Variants in STK3 observed in about 807,000 individuals in gnomAD.
The protein encoded by STK3 is serine/threonine-protein kinase 3.
Under a neutral mutation model 58.0 loss-of-function variants are expected in STK3, and 41 were observed. The observed-to-expected ratio is 0.71, with a 90% CI of 0.55 to 0.92. The LOEUF (loss-of-function observed/expected upper bound fraction) is 0.92, where lower values mean the gene tolerates loss of function less well. Ranked by LOEUF, STK3 falls within the 40% of genes least tolerant of loss-of-function variation. The probability of loss-of-function intolerance (pLI) is 0.00; values close to 1 mark genes in which losing one functional copy is unlikely to be tolerated. For synonymous variants in STK3, 170 were observed against 191.0 expected (o/e 0.89, Z 0.91); for missense variants, 479 against 602.7 (o/e 0.79, Z 2.15).
chr8:98,420,300 G>A (rs1279305348), intron 3 of STK3, among the ~76,000 whole-genome samples: 3 of 152,118 alleles, frequency 2.0e-5, no homozygotes, highest in East Asian at 1.9e-4. Context: ...CAGATCAACT[G>A]CCTCAGGGCC....
intron 6 of STK3, among the ~76,000 whole-genome samples, chr8:98,613,660 CAG>C: frequency 6.7e-6 from 1 of 150,240 alleles, no homozygotes; most frequent in Admixed American, 6.6e-5. Flanking sequence ...AAAAAGAAAA[CAG>C]AAATTAAAAA....
intron 3 of STK3, among the ~76,000 whole-genome samples, chr8:98,853,144 G>A (rs543284284): frequency 3.9e-5 from 6 of 152,038 alleles, no homozygotes; most frequent in East Asian, 3.9e-4. Flanking sequence ...TCACTCTCAC[G>A]CTTAAAAGAA....
At chr8:98,736,264 G>C (rs1411120830) in intron 4 of STK3, among the ~76,000 whole-genome samples, 1 of 152,138 alleles carries the variant, frequency 6.6e-6, no homozygotes, top group East Asian at 1.9e-4. Flanking sequence ...AACATTTTCA[G>C]CTGGGCCTTC....
chr8:98,781,818 T>A (rs531195806), intron 1 of STK3, among the ~76,000 whole-genome samples: 21 of 152,132 alleles, frequency 1.4e-4, no homozygotes, highest in Middle Eastern at 3.4e-3. Flanking sequence ...TTATTAAACC[T>A]ATGAGTAATC....
intron 3 of STK3, among the ~76,000 whole-genome samples, chr8:98,417,857 C>T (rs1327821840): frequency 3.3e-5 from 5 of 152,202 alleles, no homozygotes; most frequent in Admixed American, 6.5e-5. Flanking sequence ...CCCAGGCATT[C>T]TCCTTCCAGA....
chr8:98,820,791 C>CA (rs1360515439), intron 1 of STK3, among the ~76,000 whole-genome samples: 1 of 152,174 alleles, frequency 6.6e-6, no homozygotes, highest in Non-Finnish European at 1.5e-5. Flanking sequence ...TCCTGGCTAA[C>CA]ACGGTAAAAC....
At chr8:98,672,303 G>T (rs1159884079) in intron 6 of STK3, among the ~76,000 whole-genome samples, 2 of 152,036 alleles carry the variant, frequency 1.3e-5, no homozygotes, top group East Asian at 1.9e-4. Flanking sequence ...GGGGTGTTGT[G>T]CCAAGGGGCT....
intron 6 of STK3, among the ~76,000 whole-genome samples, chr8:98,651,004 G>A (rs1052135007): frequency 2.6e-5 from 4 of 152,220 alleles, no homozygotes; most frequent in Non-Finnish European, 5.9e-5. Flanking sequence ...CTCCCAGCAC[G>A]CAGCTGGAGA....
chr8:98,357,080 T>A, the STK3 span, among the ~76,000 whole-genome samples: 1 of 152,102 alleles, frequency 6.6e-6, no homozygotes, highest in Non-Finnish European at 1.5e-5. Flanking sequence ...AAGGAAAGAG[T>A]CTTTGTGCTT....
In STK3 at chr8:98,890,219, T is replaced by C. The variant is rs796737944; in HGVS notation, c.-78-6385A>G. 1.1e-3 allele frequency among the ~76,000 whole-genome samples: 174 copies of C among 152,302 alleles called. 1 individual carries two copies. Among genetic ancestry groups the C allele is most frequent in the African/African-American group, 3.9e-3 (163 of 41,550 alleles). ...TGGAGTAAAATGGGACACCTGGGCT[T>C]GGCAAGGAACAAGGACGCCAACATG... is the stretch of plus-strand genomic sequence containing the variant. On this transcript the variant is annotated intron_variant, in intron 1 of 1. Transcript: ENST00000519420.
the STK3 span, among the ~76,000 whole-genome samples, chr8:98,351,658 A>G: frequency 2.6e-5 from 4 of 152,156 alleles, no homozygotes; most frequent in African/African-American, 4.8e-5. Context: ...TCCCTCTGCA[A>G]CCCCCACCTC....
At chr8:98,935,516 A>C (rs1006326391) in intron 1 of STK3, among the ~76,000 whole-genome samples, 1 of 152,250 alleles carries the variant, frequency 6.6e-6, no homozygotes, top group African/African-American at 2.4e-5. Context: ...CATCCAAAAT[A>C]ATAACTTAGA....
At chr8:98,651,481 G>C (rs894055438) in intron 6 of STK3, 2 of 152,290 alleles carry the variant, frequency 1.3e-5, no homozygotes, top group African/African-American at 4.8e-5. Context: ...ACGGAACAAA[G>C]CTGGACGGAG....
chr8:98,555,555 C>T (rs1586850686), intron 8 of STK3, among the ~76,000 whole-genome samples: 1 of 152,006 alleles, frequency 6.6e-6, no homozygotes, highest in African/African-American at 2.4e-5. Context: ...AATCACATAA[C>T]AGCATAGTAT....
At chr8:98,672,598 T>G (rs1822912535) in intron 6 of STK3, among the ~76,000 whole-genome samples, 3 of 152,192 alleles carry the variant, frequency 2.0e-5, no homozygotes, top group Non-Finnish European at 4.4e-5. Flanking sequence ...TGGGTTTTGT[T>G]TTTTTCCTGT....
chr8:98,681,832 T>G (rs1339479679), intron 6 of STK3, among the ~76,000 whole-genome samples: 1 of 152,270 alleles, frequency 6.6e-6, no homozygotes, highest in East Asian at 1.9e-4. Flanking sequence ...GTATGGAATC[T>G]GCCATTTCCT....
intron 1 of STK3, among the ~76,000 whole-genome samples, chr8:98,779,587 C>T (rs2131519323): frequency 6.6e-6 from 1 of 152,282 alleles, no homozygotes; most frequent in African/African-American, 2.4e-5. Context: ...ACAAAAATTT[C>T]ATGTTTGGCC....
chr8:98,369,197 C>T (rs139604709), downstream of STK3, among the ~76,000 whole-genome samples: 225 of 152,266 alleles, frequency 1.5e-3, 1 homozygote, highest in African/African-American at 5.3e-3. Flanking sequence ...AAGCTTTGAA[C>T]CAAAGGAGTG....
At chr8:98,776,438 G>C (rs906221743) in intron 1 of STK3, among the ~76,000 whole-genome samples, 1 of 151,978 alleles carries the variant, frequency 6.6e-6, no homozygotes, top group African/African-American at 2.4e-5. Context: ...TAAATATAAT[G>C]TTTATTCCAT....
Sources: allele counts gnomAD v4.1 joint callset (sites outside exome capture counted in the v4.1 genomes callset), GRCh38; gene constraint gnomAD v4.1.1; transcripts MANE v1.5; gene names NCBI Gene and HGNC (gene_info 2026-07-23, HGNC 2026-07-21).